TTN: variants seen among roughly 807,000 people sequenced by gnomAD.
The protein encoded by TTN is titin, also known as connectin.
A neutral mutation model predicts 3,223.0 loss-of-function variants in TTN; 1,525 were observed. The ratio of observed to expected loss-of-function variants is 0.47; its 90% CI spans 0.45 to 0.49. TTN has a LOEUF of 0.49. Ranked by LOEUF, TTN falls within the 20% of genes least tolerant of loss-of-function variation. The pLI is 0.00. For synonymous variants in TTN, 14,094 were observed against 15,161.0 expected (o/e 0.93, Z 5.17); for missense variants, 40,786 against 43,424.0 (o/e 0.94, Z 5.40).
In TTN at chr2:178,735,628, C is replaced by G. The variant is rs763015586; in HGVS notation, c.14818G>C (p.Asp4940His). ...GGAATCTCAAGTGTTGCTATTTTATCTTCAAAACAGATCTTATAATCTTTC... is the reference window on the plus strand; with the variant it reads ...GGAATCTCAAGTGTTGCTATTTTATGTTCAAAACAGATCTTATAATCTTTC... ...PGKDYKICFE[D>H]KIATLEIPLA... The change falls in exon 50 of 363, where the codon GAT (aspartate) becomes CAT (histidine). Residue 4940 changes from aspartate (D) to histidine (H), a missense_variant. Transcript: ENST00000589042. 6.2e-7 allele frequency: 1 copy of G among 1,613,564 alleles called. No homozygotes were observed. Among genetic ancestry groups the G allele is most frequent in the Admixed American group, 1.7e-5 (1 of 59,970 alleles).
intron 165 of TTN, 103 bp from the exon 166 acceptor site, chr2:178,665,029 C>T: frequency 7.6e-7 from 1 of 1,323,924 alleles, no homozygotes; most frequent in East Asian, 2.5e-5. Flanking sequence ...TCTCTTTCCT[C>T]CATCCTCCCT....
chr2:178,733,073 C>T lies in TTN; in HGVS notation c.16103G>A (p.Ser5368Asn). 2 of 1,609,492 alleles carry T rather than the reference C, an allele frequency of 1.2e-6. No individual in the cohort carries two copies. Among genetic ancestry groups the T allele is most frequent in the African/African-American group, 1.3e-5 (1 of 74,928 alleles). Residue 5368 changes from serine to asparagine, a missense_variant, in exon 55 of 363, where the codon AGT (serine) becomes AAT (asparagine). Ser to Asn is a conservative substitution (Grantham distance 46). Transcript: ENST00000589042. The part of the protein sequence containing the change: ...FFTKPLRNVD[S>N]VVNGTCRLDC... Reference sequence around the variant, plus strand: ...CAGTCTGCAGGTACCATTAACAACACTATCCACGTTGCGCAAGGGTTTGGT... The same window carrying T: ...CAGTCTGCAGGTACCATTAACAACATTATCCACGTTGCGCAAGGGTTTGGT...
At chr2:178,610,955 T>A (rs1372063200) in intron 270 of TTN, 38 bp downstream of exon 270, 1 of 1,607,044 alleles carries the variant, frequency 6.2e-7, no homozygotes, top group Non-Finnish European at 8.5e-7. Flanking sequence ...TTCCTCTACA[T>A]GTGAAGAATG....
chr2:178,613,324 A>AG, intron 263 of TTN, 48 bp from the exon 264 acceptor site: 1 of 1,389,230 alleles, frequency 7.2e-7, no homozygotes, highest in South Asian at 1.3e-5. Context: ...AAGAAGCAGA[A>AG]GAAGCCTATG....
Position 178,733,269 on chromosome 2 carries a change from T to C in TTN, c.16024A>G (p.Ser5342Gly). Residue 5342 changes from serine to glycine, a missense_variant, in exon 54 of 363, where the codon AGC becomes GGC. Physicochemically the swap from Ser to Gly is moderately conservative, Grantham distance 56 (BLOSUM62 0). Coordinates refer to ENST00000589042, the MANE Select transcript of TTN (RefSeq NM_001267550.2). The part of the protein sequence containing the change: ...TFEISNEVGS[S>G]SCETTFTVLD... Reference sequence around the variant, plus strand: ...ACAGTGAATGTAGTCTCACAGGAGCTGCTGCCCACTTCATTGGAAATCTCA... The same window carrying C: ...ACAGTGAATGTAGTCTCACAGGAGCCGCTGCCCACTTCATTGGAAATCTCA... 1 of 1,609,644 alleles carries C rather than the reference T, an allele frequency of 6.2e-7. No individual in the cohort carries two copies. The highest frequency in any genetic ancestry group is 8.5e-7 in the Non-Finnish European group (1 of 1,177,218).
Position 178,563,891 on chromosome 2 carries a change from C to T in TTN, c.82241G>A (p.Arg27414Gln), listed in dbSNP as rs763336230. 2.5e-5 allele frequency: 41 copies of T among 1,613,590 alleles called. No homozygotes were observed. The highest frequency in any genetic ancestry group is 1.0e-4 in the Admixed American group (6 of 59,984). The change falls in exon 326 of 363, where the codon CGA becomes CAA. Residue 27414 changes from arginine to glutamine, a missense_variant. By Grantham distance (43) the Arg-to-Gln change is conservative. Coordinates refer to ENST00000589042, the MANE Select transcript of TTN (RefSeq NM_001267550.2). The surrounding 1 kb of genome is among the most constrained non-coding windows in gnomAD (Gnocchi z 4.5). ...AGTTGAAACCTGGGTCCAAGAGAGT[C>T]GGCTTGTCTCCCTCTTTTCAATGAT... The part of the protein sequence containing the change: ...HYIIEKRETS[R>Q]LSWTQVSTEV...
chr2:178,741,944 T>A (rs906202968), intron 47 of TTN, 23 bp from the exon 48 acceptor site: 1 of 1,376,418 alleles, frequency 7.3e-7, no homozygotes, highest in South Asian at 2.0e-5. Flanking sequence ...AAATGATTAT[T>A]ATTTTACTAT....
At position 178,569,204 on chromosome 2, in the gene TTN, G is replaced by C; in HGVS notation, c.76928C>G (p.Ala25643Gly). The stretch of plus-strand genomic sequence containing the variant: ...AACAGCAGCATATGATTTTCTTGTG[G>C]CTTCACGTTTCTCAACAATGTAATT... Reference protein sequence around the residue: ...IKNYIVEKREATRKSYAAVVT... With the variant: ...IKNYIVEKREGTRKSYAAVVT... Residue 25643 changes from alanine to glycine, a missense_variant, in exon 326 of 363, where the codon GCC becomes GGC. Coordinates refer to ENST00000589042, the MANE Select transcript of TTN (RefSeq NM_001267550.2). 1 of 1,608,896 alleles carries C rather than the reference G, an allele frequency of 6.2e-7. No homozygotes were observed. Among genetic ancestry groups the C allele is most frequent in the East Asian group, 2.2e-5 (1 of 44,804 alleles).
At chr2:178,666,752 TTAGTA>T in intron 163 of TTN, 67 bp downstream of exon 163, 1 of 1,306,874 alleles carries the variant, frequency 7.7e-7, no homozygotes, top group Non-Finnish European at 1.0e-6. Flanking sequence ...TTAAAAGATA[TTAGTA>T]TTTTTACATG....
At chr2:178,624,346 A>G (rs2058720201) in intron 242 of TTN, 119 bp downstream of exon 242, 16 of 1,274,554 alleles carry the variant, frequency 1.3e-5, no homozygotes, top group East Asian at 2.3e-5. Context: ...TGTCAATACT[A>G]GAAGTTGCCA....
rs149994923 is a variant in TTN, at chr2:178,567,569, A to T, written c.78563T>A (p.Val26188Asp). The change falls in exon 326 of 363, where the codon GTT becomes GAT. Residue 26188 changes from valine to aspartate, a missense_variant. By Grantham distance (152) the Val-to-Asp change is radical. Transcript: ENST00000589042. ...STGPITAKDE[V>D]ELPRISMDPK... ...ATCCATTGAAATTCTTGGGAGTTCA[A>T]CCTCATCCTTGGCAGTTATTGGTCC... 6.2e-7 allele frequency: 1 copy of T among 1,609,258 alleles called. No homozygotes were observed. Among genetic ancestry groups the T allele is most frequent in the African/African-American group, 1.3e-5 (1 of 74,742 alleles).
In TTN at chr2:178,553,637, C is replaced by T. The variant is rs775906983; in HGVS notation, c.89368G>A (p.Val29790Ile). Reference sequence around the variant, plus strand: ...GATACCACATATTCTGTAGTTCTGACCTCTCCTTTGGTAGAGACAGTAGTC... The same window carrying T: ...GATACCACATATTCTGTAGTTCTGATCTCTCCTTTGGTAGAGACAGTAGTC... ...EWTTVSTKGEVRTTEYVVSNL... is the reference protein window; with the variant it reads ...EWTTVSTKGEIRTTEYVVSNL... The change falls in exon 334 of 363, where the codon GTC (valine) becomes ATC (isoleucine). Residue 29790 changes from valine to isoleucine, a missense_variant. Coordinates refer to ENST00000589042, the MANE Select transcript of TTN (RefSeq NM_001267550.2). 6.2e-6 allele frequency: 10 copies of T among 1,613,880 alleles called. No homozygotes were observed. The East Asian group carries it at 8.9e-5, about 14-fold the overall frequency.
At position 178,539,678 on chromosome 2, in the gene TTN, G is replaced by A; in HGVS notation, c.98387C>T (p.Pro32796Leu). ...VYIKVRVIGSPNSPEGPLEYD... is the reference protein window; with the variant it reads ...VYIKVRVIGSLNSPEGPLEYD... ...TTCCAGTGGCCCTTCTGGACTGTTG[G>A]GACTTCCTATCACCCTGACCTTGAT... Residue 32796 changes from proline (P) to leucine (L), a missense_variant, in exon 352 of 363, where the codon CCC becomes CTC. By Grantham distance (98) the Pro-to-Leu change is moderately conservative. Transcript: ENST00000589042. The A allele has an allele frequency of 8.1e-6, 13 of 1,613,560 alleles. No homozygotes were observed. The highest frequency in any genetic ancestry group is 1.1e-5 in the Non-Finnish European group (13 of 1,179,782).
rs972701643 is a variant in TTN, at chr2:178,724,722, A to G, written c.20837-184T>C. On this transcript the variant is annotated intron_variant, in intron 71 of 362. Transcript: ENST00000589042. ...AATTATAGCTATTTTTTATTTTAATATTTTTTCTTTTCAGTTTTTTCTTTA... is the reference window on the plus strand; with the variant it reads ...AATTATAGCTATTTTTTATTTTAATGTTTTTTCTTTTCAGTTTTTTCTTTA... The G allele has an allele frequency of 6.9e-6, 4 of 582,902 alleles. No homozygotes were observed. In the African/African-American group the frequency reaches 7.8e-5, roughly 11 times the overall value. 36.1% of individuals were successfully genotyped at this position (582,902 alleles called of 1,614,324 possible).
intron 40 of TTN, 135 bp from the exon 41 acceptor site, chr2:178,766,747 G>A (rs2090509185): frequency 1.4e-6 from 1 of 700,792 alleles, no homozygotes; most frequent in Non-Finnish European, 2.5e-6. Flanking sequence ...TAATAAGTTG[G>A]CTGATTATAG....
chr2:178,704,426 A>G lies in TTN; in HGVS notation c.29963-19T>C, dbSNP rs2075518951. 6.2e-7 allele frequency: 1 copy of G among 1,607,994 alleles called. No individual in the cohort carries two copies. ...GCAGGCTCTGTTCATGTGATACAAC[A>G]CGCATTTTGTTCAATATCACACGCA... On this transcript the variant is annotated intron_variant, in intron 105 of 362. Coordinates refer to ENST00000589042, the MANE Select transcript of TTN (RefSeq NM_001267550.2).
chr2:178,615,085 C>T, intron 259 of TTN, 117 bp from the exon 260 acceptor site: 2 of 1,036,420 alleles, frequency 1.9e-6, no homozygotes, highest in East Asian at 2.6e-5. Context: ...TTAAATTAAA[C>T]CTGGATTACT....
In TTN at chr2:178,647,414, T is replaced by TGATTTTCTC; in HGVS notation, c.40107_40108insGAGAAAATC (p.Pro13369_Ile13370insGluLysIle). 3 of 1,549,650 alleles carry TGATTTTCTC rather than the reference T, an allele frequency of 1.9e-6. No individual in the cohort carries two copies. Among genetic ancestry groups the TGATTTTCTC allele is most frequent in the Non-Finnish European group, 2.6e-6 (3 of 1,146,472 alleles). ...GGTGGAACTTCTGGCTCTGCAGGGA[T>TGATTTTCTC]AGGCACAGACACTTCCTTTTCTGGG... On this transcript the variant is annotated inframe_insertion, in exon 214 of 363. Coordinates refer to ENST00000589042, the MANE Select transcript of TTN (RefSeq NM_001267550.2).
intron 50 of TTN, 65 bp from the exon 51 acceptor site, chr2:178,735,053 A>G: frequency 6.9e-7 from 1 of 1,455,298 alleles, no homozygotes; most frequent in South Asian, 1.5e-5. Context: ...GCAAAAGAAA[A>G]GTAGACATAT....
Sources: allele counts gnomAD v4.1 joint callset, GRCh38; gene constraint gnomAD v4.1.1; non-coding constraint Gnocchi (gnomAD v3.1); transcripts MANE v1.5; gene names NCBI Gene and HGNC (gene_info 2026-07-23, HGNC 2026-07-21).